The following CC2D2B variants were observed in gnomAD, a reference collection of about 807,000 sequenced individuals.
CC2D2B encodes the protein coiled-coil and C2 domain containing 2B, also known as protein CC2D2B.
CC2D2B carries 128 observed loss-of-function variants against 161.2 expected under a neutral mutation model. That is an observed-to-expected ratio of 0.79 (90% CI 0.69 to 0.92). The LOEUF (loss-of-function observed/expected upper bound fraction) is 0.92, where lower values mean the gene tolerates loss of function less well. Ranked by LOEUF, CC2D2B falls within the 40% of genes least tolerant of loss-of-function variation. The pLI is 0.00. For missense variants in CC2D2B, 1,173 were observed against 1,375.1 expected (o/e 0.85, Z 2.32); for synonymous variants, 391 against 449.8 (o/e 0.87, Z 1.65).
At chr10:95,950,233 T>C in intron 10 of CC2D2B, 128 bp downstream of exon 10, 1 of 395,260 alleles carries the variant, frequency 2.5e-6, no homozygotes. Flanking sequence ...TCAGTTTCTC[T>C]GAAAAGAAAC....
intron 2 of CC2D2B, among the ~76,000 whole-genome samples, chr10:95,915,614 G>A (rs1590313039): frequency 6.6e-6 from 1 of 152,118 alleles, no homozygotes; most frequent in Non-Finnish European, 1.5e-5. Context: ...TTCATGAAGC[G>A]ATGTTGAATT....
chr10:95,975,563 G>A (rs11188540), intron 17 of CC2D2B, among the ~76,000 whole-genome samples: 5 of 152,188 alleles, frequency 3.3e-5, no homozygotes, highest in Admixed American at 1.3e-4. Context: ...GCTTACAAAA[G>A]ATTGAAATCA....
intron 32 of CC2D2B, chr10:96,020,066 A>T (rs2079385517): frequency 2.6e-6 from 1 of 382,930 alleles, no homozygotes; most frequent in Non-Finnish European, 4.6e-6. Context: ...AATAGAATTT[A>T]AAATTTTTTC....
intron 30 of CC2D2B, among the ~76,000 whole-genome samples, chr10:96,017,309 G>T (rs1267460859): frequency 6.6e-6 from 1 of 152,124 alleles, no homozygotes. Context: ...TCTCGGCATT[G>T]TTTATTATTT....
At chr10:96,025,174 T>TAAAAAAAAA (rs1564683948) in intron 33 of CC2D2B, among the ~76,000 whole-genome samples, 2 of 15,098 alleles carry the variant, frequency 1.3e-4, no homozygotes, top group African/African-American at 5.5e-4. Flanking sequence ...TATATATATA[T>TAAAAAAAAA]ATATATATAT....
intron 1 of CC2D2B, among the ~76,000 whole-genome samples, chr10:95,910,659 C>T (rs2098504739): frequency 6.6e-6 from 1 of 152,174 alleles, no homozygotes; most frequent in African/African-American, 2.4e-5. Flanking sequence ...GACAAACATC[C>T]AAATAGATCT....
At chr10:95,957,553 A>ATTTTTTTTTTTTTTTTTTTTTTTTTTTTT in intron 11 of CC2D2B, among the ~76,000 whole-genome samples, 1 of 83,736 alleles carries the variant, frequency 1.2e-5, no homozygotes, top group Non-Finnish European at 2.2e-5. Flanking sequence ...GCTGACAATG[A>ATTTTTTTTTTTTTTTTTTTTTTTTTTTTT]TTTTTTTTTT....
At chr10:95,955,522 C>T (rs1022020675) in intron 11 of CC2D2B, 31 bp downstream of exon 11, 2 of 397,846 alleles carry the variant, frequency 5.0e-6, no homozygotes, top group Admixed American at 4.4e-5. Context: ...GTTCATCAAG[C>T]ATTCATTAAG....
intron 33 of CC2D2B, among the ~76,000 whole-genome samples, chr10:96,025,174 T>TAAAAAAA (rs1564683948): frequency 1.4e-3 from 21 of 15,100 alleles, no homozygotes; most frequent in Non-Finnish European, 2.1e-3. Flanking sequence ...TATATATATA[T>TAAAAAAA]ATATATATAT....
At chr10:96,013,902 T>TC in intron 29 of CC2D2B, 25 bp downstream of exon 29, 2 of 1,130,974 alleles carry the variant, frequency 1.8e-6, no homozygotes, top group Non-Finnish European at 2.4e-6. Flanking sequence ...TTTATATATA[T>TC]AATTGAAATA....
At position 95,974,085 on chromosome 10, in the gene CC2D2B, A is replaced by C. The variant is rs1432430291; in HGVS notation, c.1872A>C (p.Leu624=). 2 of 1,230,370 alleles carry C rather than the reference A, an allele frequency of 1.6e-6. No homozygotes were observed. The highest frequency in any genetic ancestry group is 3.2e-5 in the East Asian group (1 of 31,704). The allele number at this position is 1,230,370 out of a possible 1,614,324, so 76.2% of individuals were successfully genotyped here. A position where few individuals can be genotyped will look rare whatever the true frequency, so the allele number is the denominator to read the frequency against. ...LLTSGKLSYS[L]SWSLDENGLP... The stretch of plus-strand genomic sequence containing the variant: ...CATCAGGAAAACTTAGCTATTCTCT[A>C]TCATGGAGCTTAGATGAAAATGGTC... Residue 624 remains leucine, a synonymous_variant, in exon 17 of 35, where the codon CTA becomes CTC. Transcript: ENST00000646931.
In CC2D2B at chr10:95,924,389, A is replaced by T. The variant is rs371415513; in HGVS notation, c.173A>T (p.Lys58Met). ...GTGAGAGAAAAGCTAAAAATTTCTA[A>T]GGTAATGCTTTTTAAAATTTCCTGT... ...GKVREKLKIS[K>M]INKGEKSSTE... The change falls in exon 4 of 35, where the codon AAG (lysine) becomes ATG (methionine). Residue 58 changes from lysine to methionine, a missense_variant and splice_region_variant. This residue lies in a region of CC2D2B where 298 missense variants were observed against 261.2 expected (regional missense o/e 1.14). Coordinates refer to ENST00000646931, the MANE Select transcript of CC2D2B (RefSeq NM_001349008.3). 6.8e-7 allele frequency: 1 copy of T among 1,476,970 alleles called. No individual in the cohort carries two copies. Among genetic ancestry groups the T allele is most frequent in the Admixed American group, 2.4e-5 (1 of 41,804 alleles). The allele number at this position is 1,476,970 out of a possible 1,614,324, so 91.5% of individuals were successfully genotyped here.
chr10:96,026,080 T>G (rs2141963160), intron 33 of CC2D2B, among the ~76,000 whole-genome samples: 1 of 152,330 alleles, frequency 6.6e-6, no homozygotes, highest in East Asian at 1.9e-4. Context: ...AACATTTTGA[T>G]AAGGCGCTAC....
chr10:95,986,746 G>A lies in CC2D2B; in HGVS notation c.2287-1504G>A, dbSNP rs188332281. Among the ~76,000 whole-genome samples, 222 of 151,946 alleles carry A rather than the reference G, an allele frequency of 1.5e-3. 5 individuals are homozygous for A. Among genetic ancestry groups the A allele is most frequent in the Admixed American group, 0.013 (201 of 15,260 alleles). ...GTAGTAGCTGGGGCTACAGGTGTGC[G>A]CTGTCATGCCTGGCTAATTTTTGTA... On this transcript the variant is annotated intron_variant, in intron 19 of 34. Coordinates refer to ENST00000646931, the MANE Select transcript of CC2D2B (RefSeq NM_001349008.3).
rs2077161654 is a variant in CC2D2B at position 95,972,259 on chromosome 10, G to A, written c.1795+43G>A. On this transcript the variant is annotated intron_variant, in intron 16 of 34. Transcript: ENST00000646931. The stretch of plus-strand genomic sequence containing the variant: ...ATTACATTCCCCCTATTTTCTTCCT[G>A]AGTACCATATTCCTAAGTGACCCTG... 4.2e-6 allele frequency: 5 copies of A among 1,188,148 alleles called. No homozygotes were observed. The African/African-American group carries it at 6.3e-5, about 15-fold the overall frequency. 73.6% of individuals were successfully genotyped at this position (1,188,148 alleles called of 1,614,324 possible).
intron 12 of CC2D2B, among the ~76,000 whole-genome samples, chr10:95,962,763 G>GTTTT (rs35198734): frequency 1.1e-4 from 14 of 130,792 alleles, no homozygotes; most frequent in African/African-American, 2.8e-4. Flanking sequence ...TGCTGCAGTA[G>GTTTT]TTTTTTTTTT....
At chr10:96,021,487 C>T (rs1054197689) in intron 32 of CC2D2B, 2 of 152,250 alleles carry the variant, frequency 1.3e-5, no homozygotes, top group African/African-American at 4.8e-5. Context: ...GTGGAACCCA[C>T]ATGCCAGGAG....
chr10:95,926,155 A>G (rs1166278286), intron 5 of CC2D2B, among the ~76,000 whole-genome samples: 1 of 152,226 alleles, frequency 6.6e-6, no homozygotes, highest in Non-Finnish European at 1.5e-5. Flanking sequence ...ATGAATTAAA[A>G]CATGCCTAAA....
chr10:95,956,284 C>A (rs1197824955), intron 11 of CC2D2B, among the ~76,000 whole-genome samples: 1 of 151,754 alleles, frequency 6.6e-6, no homozygotes, highest in African/African-American at 2.4e-5. Flanking sequence ...TCTTCTATCA[C>A]ACACACACAA....
Sources: gnomAD v4.1 joint callset for allele counts (sites outside exome capture counted in the v4.1 genomes callset) on GRCh38, gnomAD v4.1.1 for gene constraint, gnomAD v4.1.1 regional missense constraint, MANE v1.5 for transcripts, NCBI Gene and HGNC (gene_info 2026-07-23, HGNC 2026-07-21) for gene names.